AKAP7: variants seen among roughly 807,000 people sequenced by gnomAD.
The protein encoded by AKAP7 is A-kinase anchoring protein 7.
In AKAP7, 39 loss-of-function variants were observed where a neutral mutation model predicts 39.5. The observed-to-expected ratio is 0.99, with a 90% CI of 0.76 to 1.29. AKAP7 has a LOEUF of 1.29. Ranked by LOEUF, AKAP7 falls within the 50% of genes most tolerant of loss-of-function variation. The pLI is 0.00. For synonymous variants in AKAP7, 140 were observed against 139.1 expected (o/e 1.01, Z -0.05); for missense variants, 414 against 407.7 (o/e 1.02, Z -0.13).
At chr6:131,153,905 T>A (rs1802170282) in intron 2 of AKAP7, among the ~76,000 whole-genome samples, 1 of 152,110 alleles carries the variant, frequency 6.6e-6, no homozygotes, top group Admixed American at 6.5e-5. Flanking sequence ...TTCCATTCCA[T>A]TCTTTAAAAA....
chr6:131,234,366 A>G (rs1025342612), intron 7 of AKAP7, among the ~76,000 whole-genome samples: 5 of 152,186 alleles, frequency 3.3e-5, no homozygotes, highest in African/African-American at 9.7e-5. Flanking sequence ...AATGACTGTA[A>G]TGAAGTTAAT....
intron 2 of AKAP7, among the ~76,000 whole-genome samples, chr6:131,154,036 C>A (rs1421819244): frequency 6.6e-6 from 1 of 152,062 alleles, no homozygotes; most frequent in Admixed American, 6.6e-5. Context: ...ATGGTGAAAA[C>A]CTGTCTCTAC....
chr6:131,230,427 C>T (rs900937945), intron 7 of AKAP7, among the ~76,000 whole-genome samples: 2 of 152,058 alleles, frequency 1.3e-5, no homozygotes, highest in African/African-American at 4.8e-5. Context: ...GTCCTTTGCC[C>T]ATTTTTTAAT....
chr6:131,180,423 TA>T (rs1232422701), intron 5 of AKAP7, among the ~76,000 whole-genome samples: 1 of 152,178 alleles, frequency 6.6e-6, no homozygotes, highest in Admixed American at 6.5e-5. Flanking sequence ...AAAACAAAGT[TA>T]AAAAATCCTA....
rs558461327 is a variant in AKAP7, at chr6:131,251,463, T to C, written c.851-30067T>C. Among the ~76,000 whole-genome samples the C allele has an allele frequency of 2.0e-5, 3 of 152,324 alleles. No individual in the cohort carries two copies. In the East Asian group the frequency reaches 5.8e-4, roughly 29 times the overall value. On this transcript the variant is annotated intron_variant, in intron 7 of 7. Coordinates refer to ENST00000431975, the MANE Select transcript of AKAP7 (RefSeq NM_016377.4). ...GTGTCATATCAGTGCTTGATTCTAA[T>C]TTAAATAGGTCCATGGAATTTCATA...
chr6:131,211,020 G>A (rs546231323), intron 6 of AKAP7, among the ~76,000 whole-genome samples: 3 of 152,242 alleles, frequency 2.0e-5, no homozygotes, highest in South Asian at 2.1e-4. Flanking sequence ...CAAATCAAAC[G>A]TACTTCTCAA....
chr6:131,250,273 G>A (rs1443024274), intron 7 of AKAP7: 1 of 1,195,088 alleles, frequency 8.4e-7, no homozygotes, highest in Admixed American at 3.8e-5. Context: ...TATGGCCAGG[G>A]ACTCACAGTT....
chr6:131,178,084 T>C (rs889384057), intron 5 of AKAP7, among the ~76,000 whole-genome samples: 1 of 152,240 alleles, frequency 6.6e-6, no homozygotes. Flanking sequence ...TTTGCTGTCA[T>C]CTGAATATTT....
At chr6:131,161,887 CA>C (rs1268041184) in intron 3 of AKAP7, among the ~76,000 whole-genome samples, 1 of 152,094 alleles carries the variant, frequency 6.6e-6, no homozygotes. Flanking sequence ...GTCCTAAGGA[CA>C]CTGAATGTCA....
chr6:131,267,188 T>C (rs771740320), intron 7 of AKAP7, among the ~76,000 whole-genome samples: 1 of 152,202 alleles, frequency 6.6e-6, no homozygotes, highest in Non-Finnish European at 1.5e-5. Flanking sequence ...ATGTTTAAAG[T>C]ATTTGTGATG....
At chr6:131,252,988 G>C in intron 7 of AKAP7, 1 of 1,590,138 alleles carries the variant, frequency 6.3e-7, no homozygotes, top group Non-Finnish European at 8.6e-7. Flanking sequence ...AGAATTTGAT[G>C]AGTTTTTGGT....
intron 7 of AKAP7, among the ~76,000 whole-genome samples, chr6:131,220,905 T>C (rs1011892630): frequency 6.6e-6 from 1 of 152,158 alleles, no homozygotes; most frequent in Non-Finnish European, 1.5e-5. Context: ...ATGTGTGTGT[T>C]CCGACTGCTC....
chr6:131,138,045 C>G (rs1800724313), intron 1 of AKAP7, among the ~76,000 whole-genome samples: 1 of 152,146 alleles, frequency 6.6e-6, no homozygotes, highest in South Asian at 2.1e-4. Flanking sequence ...CTTCGTTTAA[C>G]TGTTTCCCTA....
intron 7 of AKAP7, among the ~76,000 whole-genome samples, chr6:131,272,794 C>G (rs1012598232): frequency 2.0e-5 from 3 of 152,128 alleles, no homozygotes; most frequent in Non-Finnish European, 4.4e-5. Context: ...CAAAGGTTTT[C>G]TATACACTAA....
intron 5 of AKAP7, among the ~76,000 whole-genome samples, chr6:131,171,203 G>C (rs1804012490): frequency 6.6e-6 from 1 of 152,070 alleles, no homozygotes; most frequent in African/African-American, 2.4e-5. Flanking sequence ...GGAGCATATA[G>C]CCTTGTGCAG....
intron 7 of AKAP7, chr6:131,241,974 G>C (rs1207756052): frequency 1.6e-5 from 14 of 860,504 alleles, no homozygotes; most frequent in Non-Finnish European, 2.0e-5. Context: ...GAGGGCTAAA[G>C]AAACACAGAG....
intron 7 of AKAP7, among the ~76,000 whole-genome samples, chr6:131,222,337 A>G (rs1163930432): frequency 1.3e-5 from 2 of 152,178 alleles, no homozygotes; most frequent in African/African-American, 2.4e-5. Flanking sequence ...CATCCTGGCT[A>G]ACACCGTGAA....
intron 7 of AKAP7, among the ~76,000 whole-genome samples, chr6:131,240,710 C>T (rs1036568451): frequency 2.6e-5 from 4 of 152,210 alleles, no homozygotes; most frequent in East Asian, 1.9e-4. Context: ...CCGAGCCAGG[C>T]GCAGGATATA....
intron 6 of AKAP7, among the ~76,000 whole-genome samples, chr6:131,215,435 T>A (rs189928353): frequency 6.6e-6 from 1 of 152,258 alleles, no homozygotes; most frequent in Admixed American, 6.5e-5. Flanking sequence ...TCTCTTTCCC[T>A]CCCTGTCAAG....
Sources: gnomAD v4.1 joint callset for allele counts (sites outside exome capture counted in the v4.1 genomes callset) on GRCh38, gnomAD v4.1.1 for gene constraint, MANE v1.5 for transcripts, NCBI Gene and HGNC (gene_info 2026-07-23, HGNC 2026-07-21) for gene names.